The following BOD1L1 variants were observed in gnomAD, a reference collection of about 807,000 sequenced individuals.
BOD1L1 encodes the protein biorientation of chromosomes in cell division 1 like 1.
In BOD1L1, 86 loss-of-function variants were observed where a neutral mutation model predicts 240.7. That is an observed-to-expected ratio of 0.36 (90% CI 0.30 to 0.43). The LOEUF is 0.43. Ranked by LOEUF, BOD1L1 falls within the 20% of genes least tolerant of loss-of-function variation. The pLI, the probability that BOD1L1 is intolerant of heterozygous loss-of-function variation, is 1.00. For synonymous variants in BOD1L1, 1,268 were observed against 1,272.3 expected (o/e 1.00, Z 0.07); for missense variants, 3,554 against 3,643.5 (o/e 0.98, Z 0.63).
In BOD1L1 at chr4:13,609,416, C is replaced by A; in HGVS notation, c.1492-10G>T. 2 of 1,469,940 alleles carry A rather than the reference C, an allele frequency of 1.4e-6. No individual in the cohort carries two copies. Among genetic ancestry groups the A allele is most frequent in the Admixed American group, 2.7e-5 (1 of 36,542 alleles). 91.1% of individuals were successfully genotyped at this position (1,469,940 alleles called of 1,614,324 possible). On this transcript the variant is annotated splice_polypyrimidine_tract_variant and intron_variant, in intron 6 of 25. Coordinates refer to ENST00000040738, the MANE Select transcript of BOD1L1 (RefSeq NM_148894.3). ...CTTCTTTTTCTTTGGCCTAAAACCA[C>A]AAAATACCCTAACAGATTATTAGGC...
Position 13,601,347 on chromosome 4 carries a change from A to C in BOD1L1, c.5553T>G (p.Asp1851Glu), listed in dbSNP as rs369013378. The C allele has an allele frequency of 1.5e-5, 24 of 1,613,858 alleles. No homozygotes were observed. The highest frequency in any genetic ancestry group is 1.8e-5 in the Non-Finnish European group (21 of 1,179,904). Residue 1851 changes from aspartate (D) to glutamate (E), a missense_variant, in exon 10 of 26, where the codon GAT becomes GAG. By Grantham distance (45) the Asp-to-Glu change is conservative. Coordinates refer to ENST00000040738, the MANE Select transcript of BOD1L1 (RefSeq NM_148894.3). ...CGCCTGTGCTAGTCACAATGCCTTC[A>C]TCATCACAAGGACCAGCAGCAACTA... Reference protein sequence around the residue: ...VPLVAAGPCDDEGIVTSTGAK... With the variant: ...VPLVAAGPCDEEGIVTSTGAK...
intron 6 of BOD1L1, among the ~76,000 whole-genome samples, chr4:13,610,115 GAACTTTTCATATTTTAC>G (rs537931657): frequency 4.6e-5 from 7 of 152,212 alleles, no homozygotes; most frequent in Admixed American, 3.9e-4. Flanking sequence ...TCCTGATTCT[GAACTTTTCATATTTTAC>G]AACTTTTCAT....
At chr4:13,610,857 C>T (rs2108974923) in intron 6 of BOD1L1, 77 bp downstream of exon 6, 2 of 1,271,326 alleles carry the variant, frequency 1.6e-6, no homozygotes, top group Non-Finnish European at 1.1e-6. Flanking sequence ...ATATGCACAT[C>T]AGTACCTTGC....
At chr4:13,612,879 A>C (rs1007733390) in intron 5 of BOD1L1, among the ~76,000 whole-genome samples, 1 of 152,164 alleles carries the variant, frequency 6.6e-6, no homozygotes, top group Non-Finnish European at 1.5e-5. Context: ...CTCGGTTAAG[A>C]ACTTTGGATC....
intron 10 of BOD1L1, among the ~76,000 whole-genome samples, chr4:13,598,089 C>G (rs561613034): frequency 6.6e-6 from 1 of 152,314 alleles, no homozygotes; most frequent in Admixed American, 6.5e-5. Flanking sequence ...AATTGTCATG[C>G]TTTAAAGTGT....
intron 14 of BOD1L1, 144 bp from the exon 15 acceptor site, chr4:13,588,936 T>C (rs573108288): frequency 2.7e-5 from 14 of 524,058 alleles, no homozygotes; most frequent in African/African-American, 7.8e-5. Context: ...TTGTGGTAGA[T>C]AGTCACAAAT....
At chr4:13,580,376 G>A (rs1713129494) in intron 21 of BOD1L1, among the ~76,000 whole-genome samples, 1 of 152,156 alleles carries the variant, frequency 6.6e-6, no homozygotes, top group South Asian at 2.1e-4. Context: ...TCACCAGAGG[G>A]TCCCATGATT....
rs992410376 is a variant in BOD1L1 at position 13,614,228 on chromosome 4, T to C, written c.1142A>G (p.Asn381Ser). 4 of 1,527,576 alleles carry C rather than the reference T, an allele frequency of 2.6e-6. No homozygotes were observed. The highest frequency in any genetic ancestry group is 2.2e-5 in the Admixed American group (1 of 44,996). The allele number at this position is 1,527,576 out of a possible 1,614,324, so 94.6% of individuals were successfully genotyped here. Residue 381 changes from asparagine to serine, a missense_variant, in exon 4 of 26, where the codon AAT becomes AGT. Physicochemically the swap from Asn to Ser is conservative, Grantham distance 46. Coordinates refer to ENST00000040738, the MANE Select transcript of BOD1L1 (RefSeq NM_148894.3). ...TGTCCCTTCAACAGTTTTAGCTTTATTACTGTTCTTTTCTGAAGGAAGTTT... is the reference window on the plus strand; with the variant it reads ...TGTCCCTTCAACAGTTTTAGCTTTACTACTGTTCTTTTCTGAAGGAAGTTT... The part of the protein sequence containing the change: ...SLKLPSEKNS[N>S]KAKTVEGTKE...
In BOD1L1 at chr4:13,600,455, C is replaced by T. The variant is rs960506238; in HGVS notation, c.6445G>A (p.Gly2149Arg). 1.2e-6 allele frequency: 2 copies of T among 1,613,810 alleles called. No homozygotes were observed. The highest frequency in any genetic ancestry group is 1.7e-6 in the Non-Finnish European group (2 of 1,179,840). ...GAGATAGGCAATTCGAATTCTTCCC[C>T]TATGCTTGTGGAAATCATGGCACAC... ...DECAMISTSIGEEFELPISSA... is the reference protein window; with the variant it reads ...DECAMISTSIREEFELPISSA... Residue 2149 changes from glycine (G) to arginine (R), a missense_variant, in exon 10 of 26, where the codon GGG becomes AGG. Gly to Arg is a moderately radical substitution (Grantham distance 125). Coordinates refer to ENST00000040738, the MANE Select transcript of BOD1L1 (RefSeq NM_148894.3).
In BOD1L1 at chr4:13,597,158, C is replaced by T. The variant is rs1239163115; in HGVS notation, c.7965G>A (p.Glu2655=). ...ATCCTCCCAAAACATTCAATGGAGA[C>T]TCTTCATTGCCTAATAAAATTCAAG... ...EENVCDIGNE[E]SPLNVLGGLK... is the part of the protein sequence containing the mutation. The change falls in exon 11 of 26, where the codon GAG becomes GAA. Residue 2655 remains glutamate (E), a synonymous_variant. Coordinates refer to ENST00000040738, the MANE Select transcript of BOD1L1 (RefSeq NM_148894.3). The T allele has an allele frequency of 6.3e-7, 1 of 1,592,152 alleles. No individual in the cohort carries two copies. Among genetic ancestry groups the T allele is most frequent in the Non-Finnish European group, 8.6e-7 (1 of 1,167,730 alleles).
chr4:13,578,961 A>G (rs1428769184), intron 22 of BOD1L1, among the ~76,000 whole-genome samples: 1 of 152,216 alleles, frequency 6.6e-6, no homozygotes, highest in African/African-American at 2.4e-5. Flanking sequence ...CTGAGACTGT[A>G]TCATGGTAAG....
At chr4:13,618,813 T>C (rs916713489) in intron 2 of BOD1L1, among the ~76,000 whole-genome samples, 23 of 151,044 alleles carry the variant, frequency 1.5e-4, no homozygotes, top group Admixed American at 1.5e-3. Context: ...GAGGTTCCTA[T>C]GGGACAAAAG....
In BOD1L1 at chr4:13,569,979, C is replaced by G; in HGVS notation, c.*32G>C. 1 of 1,471,876 alleles carries G rather than the reference C, an allele frequency of 6.8e-7. No homozygotes were observed. Among genetic ancestry groups the G allele is most frequent in the South Asian group, 1.3e-5 (1 of 74,312 alleles). 91.2% of individuals were successfully genotyped at this position (1,471,876 alleles called of 1,614,324 possible). A position where few individuals can be genotyped will look rare whatever the true frequency, so the allele number is the denominator to read the frequency against. On this transcript the variant is annotated 3_prime_UTR_variant, in exon 26 of 26. Coordinates refer to ENST00000040738, the MANE Select transcript of BOD1L1 (RefSeq NM_148894.3). ...ATGTCTCTTTCCTCTCCACCGTGTT[C>G]CTCCATAAGCCTAGGGCAGCAGTGG... is the stretch of plus-strand genomic sequence containing the variant.
At position 13,608,744 on chromosome 4, in the gene BOD1L1, T is replaced by C. The variant is rs1346132087; in HGVS notation, c.1604-76A>G. On this transcript the variant is annotated intron_variant, in intron 7 of 25. Coordinates refer to ENST00000040738, the MANE Select transcript of BOD1L1 (RefSeq NM_148894.3). Reference sequence around the variant, plus strand: ...ATGTAATATTAATTTTTCATTAAGATTTTTCTAATCATTGTTAAAGCCAAA... The same window carrying C: ...ATGTAATATTAATTTTTCATTAAGACTTTTCTAATCATTGTTAAAGCCAAA... The C allele has an allele frequency of 4.8e-6, 6 of 1,259,138 alleles. No homozygotes were observed. In the Admixed American group the frequency reaches 1.2e-4, roughly 25 times the overall value. 78.0% of individuals were successfully genotyped at this position (1,259,138 alleles called of 1,614,324 possible).
At chr4:13,597,268 C>A (rs1037479955) in intron 10 of BOD1L1, 100 bp from the exon 11 acceptor site, 1 of 824,992 alleles carries the variant, frequency 1.2e-6, no homozygotes, top group Admixed American at 2.2e-5. Flanking sequence ...CATGCTGTTG[C>A]ACCTTCCTTT....
At position 13,600,348 on chromosome 4, in the gene BOD1L1, C is replaced by T. The variant is rs774031000; in HGVS notation, c.6552G>A (p.Leu2184=). Residue 2184 remains leucine, a synonymous_variant, in exon 10 of 26, where the codon TTG becomes TTA. Coordinates refer to ENST00000040738, the MANE Select transcript of BOD1L1 (RefSeq NM_148894.3). ...GCCCCTCAAAGTCGGCGGTGCTTATCAAGACTGGACCTGTAGCCCTTTCTT... is the reference window on the plus strand; with the variant it reads ...GCCCCTCAAAGTCGGCGGTGCTTATTAAGACTGGACCTGTAGCCCTTTCTT... ...AVEERATGPV[L]ISTADFEGPM... 5 of 1,613,888 alleles carry T rather than the reference C, an allele frequency of 3.1e-6. No individual in the cohort carries two copies. Among genetic ancestry groups the T allele is most frequent in the Non-Finnish European group, 4.2e-6 (5 of 1,179,904 alleles).
intron 1 of BOD1L1, among the ~76,000 whole-genome samples, chr4:13,626,874 T>C (rs1717432808): frequency 6.6e-6 from 1 of 152,186 alleles, no homozygotes; most frequent in Admixed American, 6.5e-5. Flanking sequence ...TTTGCCTCCT[T>C]ATCTTTGCGC....
chr4:13,624,523 A>G (rs1445915543), intron 1 of BOD1L1: 1 of 152,164 alleles, frequency 6.6e-6, no homozygotes, highest in Middle Eastern at 3.2e-3. Flanking sequence ...GCTTCAAGCA[A>G]TTCTCCTGCC....
intron 6 of BOD1L1, among the ~76,000 whole-genome samples, chr4:13,610,185 T>C (rs1045927432): frequency 2.0e-5 from 3 of 152,212 alleles, no homozygotes; most frequent in Non-Finnish European, 4.4e-5. Flanking sequence ...AAAACCAATA[T>C]ACATATGTAA....
Sources: allele counts gnomAD v4.1 joint callset (sites outside exome capture counted in the v4.1 genomes callset), GRCh38; gene constraint gnomAD v4.1.1; transcripts MANE v1.5; gene names NCBI Gene and HGNC (gene_info 2026-07-23, HGNC 2026-07-21).